The following MAGEC3 variants were observed in gnomAD, a reference collection of about 807,000 sequenced individuals.
MAGEC3 encodes melanoma-associated antigen C3.
In MAGEC3, 34 loss-of-function variants were observed where a neutral mutation model predicts 35.3. The ratio of observed to expected loss-of-function variants is 0.96; its 90% CI spans 0.73 to 1.28. The LOEUF is 1.28. Ranked by LOEUF, MAGEC3 falls within the 50% of genes most tolerant of loss-of-function variation. MAGEC3 has a pLI of 0.00. For synonymous variants in MAGEC3, 202 were observed against 185.6 expected (o/e 1.09, Z -0.72); for missense variants, 561 against 483.6 (o/e 1.16, Z -1.50).
Position 141,879,318 on chromosome X carries a change from G to A in MAGEC3, c.402G>A (p.Lys134=). The change falls in exon 3 of 8, where the codon AAG becomes AAA. Residue 134 remains lysine (K), a synonymous_variant. Transcript: ENST00000298296. ...CCCAGGACTGGCCACTCAACGAGAA[G>A]AGAACTCTGTGGAAGGACAGTGACC... The part of the protein sequence containing the change: ...EEPQDWPLNE[K]RTLWKDSDLP... 8.3e-7 allele frequency: 1 copy of A among 1,205,915 alleles called. No individual in the cohort carries two copies. The highest frequency in any genetic ancestry group is 1.1e-6 in the Non-Finnish European group (1 of 892,468).
At chrX:141,845,162 G>C (rs1290827356) in intron 1 of MAGEC3, among the ~76,000 whole-genome samples, 1 of 110,768 alleles carries the variant, frequency 9.0e-6, no homozygotes, top group East Asian at 2.8e-4. Flanking sequence ...TTTGCAGTTA[G>C]TGCCAAGGAC....
At chrX:141,873,703 A>G (rs922336938) in intron 2 of MAGEC3, among the ~76,000 whole-genome samples, 4 of 111,899 alleles carry the variant, frequency 3.6e-5, no homozygotes, top group Non-Finnish European at 7.5e-5. Flanking sequence ...AAAGAAAACT[A>G]TAAGACTCTA....
Position 141,897,449 on chromosome X carries a change from C to T in MAGEC3, c.1691C>T (p.Pro564Leu), listed in dbSNP as rs947984724. The change falls in exon 7 of 8, where the codon CCC becomes CTC. Residue 564 changes from proline (P) to leucine (L), a missense_variant. Coordinates refer to ENST00000298296, the MANE Select transcript of MAGEC3 (RefSeq NM_138702.1). ...ATCTTCATAAAGGGCAGCTGTGTCCCCGAGGAGGTCATCTGGGAAGTGTTG... is the reference window on the plus strand; with the variant it reads ...ATCTTCATAAAGGGCAGCTGTGTCCTCGAGGAGGTCATCTGGGAAGTGTTG... ...SMIFIKGSCV[P>L]EEVIWEVLSA... The T allele has an allele frequency of 8.3e-7, 1 of 1,209,719 alleles. No individual in the cohort carries two copies. Among genetic ancestry groups the T allele is most frequent in the Non-Finnish European group, 1.1e-6 (1 of 894,716 alleles).
rs774885969 is a variant in MAGEC3 at position 141,895,515 on chromosome X, G to A, written c.1079G>A (p.Arg360His). The change falls in exon 6 of 8, where the codon CGC becomes CAC. Residue 360 changes from arginine (R) to histidine (H), a missense_variant. Coordinates refer to ENST00000298296, the MANE Select transcript of MAGEC3 (RefSeq NM_138702.1). Reference sequence around the variant, plus strand: ...GCAGGCCACAGACAGGAAGATGGCCGCCGAGGGCTGACCGAGGCGTCCCCA... The same window carrying A: ...GCAGGCCACAGACAGGAAGATGGCCACCGAGGGCTGACCGAGGCGTCCCCA... ...GLAGHRQEDG[R>H]RGLTEASPQQ... 2.8e-5 allele frequency: 34 copies of A among 1,207,325 alleles called. No homozygotes were observed. In the East Asian group the frequency reaches 6.2e-4, roughly 22 times the overall value.
intron 1 of MAGEC3, among the ~76,000 whole-genome samples, chrX:141,847,024 A>G (rs1214667495): frequency 1.8e-5 from 2 of 111,300 alleles, no homozygotes; most frequent in Admixed American, 9.6e-5. Flanking sequence ...TATTTACTAT[A>G]CACTAAATAG....
At chrX:141,894,677 C>T (rs2018069884) in intron 4 of MAGEC3, 2 of 967,726 alleles carry the variant, frequency 2.1e-6, no homozygotes, top group African/African-American at 2.0e-5. Context: ...AAAGGAGCCC[C>T]GGGGCTGGCC....
chrX:141,866,103 A>C (rs1353354180), intron 2 of MAGEC3, among the ~76,000 whole-genome samples: 1 of 111,624 alleles, frequency 9.0e-6, no homozygotes. Flanking sequence ...GACCTCACAG[A>C]ATCCAGTCCG....
At chrX:141,870,549 CTTTAT>C (rs975211835) in intron 2 of MAGEC3, among the ~76,000 whole-genome samples, 4 of 111,422 alleles carry the variant, frequency 3.6e-5, no homozygotes, top group Non-Finnish European at 5.7e-5. Flanking sequence ...AAACCATTCA[CTTTAT>C]TTTATTTAAT....
At chrX:141,857,175 A>G (rs1399525177) in intron 1 of MAGEC3, among the ~76,000 whole-genome samples, 3 of 110,382 alleles carry the variant, frequency 2.7e-5, no homozygotes, top group Non-Finnish European at 5.7e-5. Context: ...TTATCACATT[A>G]GAATGTAATT....
rs763585428 is a variant in MAGEC3 at position 141,897,487 on chromosome X, G to T, written c.1728+1G>T. The T allele has an allele frequency of 8.3e-7, 1 of 1,204,313 alleles. No homozygotes were observed. Among genetic ancestry groups the T allele is most frequent in the Admixed American group, 2.2e-5 (1 of 45,488 alleles). On this transcript the variant is annotated splice_donor_variant, in intron 7 of 7. Transcript: ENST00000298296. LOFTEE classifies it high-confidence loss of function. ...CTGGGAAGTGTTGAGTGCAATAGGGGTGTGTGCTGGGAGGGAGCACTTTAT... is the reference window on the plus strand; with the variant it reads ...CTGGGAAGTGTTGAGTGCAATAGGGTTGTGTGCTGGGAGGGAGCACTTTAT...
At chrX:141,878,556 TG>T (rs2017935145) in intron 2 of MAGEC3, among the ~76,000 whole-genome samples, 1 of 110,426 alleles carries the variant, frequency 9.1e-6, no homozygotes, top group African/African-American at 3.3e-5. Context: ...GGTGTCCCCC[TG>T]ACATTTTAGA....
At chrX:141,877,942 A>G (rs2017930264) in intron 2 of MAGEC3, among the ~76,000 whole-genome samples, 1 of 111,838 alleles carries the variant, frequency 8.9e-6, no homozygotes, top group Admixed American at 9.5e-5. Flanking sequence ...TTTTTAACAA[A>G]CATTCTTTAT....
intron 4 of MAGEC3, among the ~76,000 whole-genome samples, chrX:141,891,238 C>T (rs867140478): frequency 1.7e-4 from 19 of 111,452 alleles, no homozygotes; most frequent in African/African-American, 6.2e-4. Context: ...CCTTAATTAC[C>T]TCTTCAAAGG....
At chrX:141,861,510 G>A (rs1003540379) in intron 1 of MAGEC3, among the ~76,000 whole-genome samples, 8 of 111,526 alleles carry the variant, frequency 7.2e-5, no homozygotes, top group Non-Finnish European at 1.5e-4. Context: ...AGCTGGAGGC[G>A]TAACACTACC....
intron 1 of MAGEC3, among the ~76,000 whole-genome samples, chrX:141,863,973 G>C (rs1043040484): frequency 9.0e-6 from 1 of 111,424 alleles, no homozygotes; most frequent in Non-Finnish European, 1.9e-5. Flanking sequence ...CCATTACTAG[G>C]GACTTGGAGG....
chrX:141,875,406 T>A (rs1397584710), intron 2 of MAGEC3, among the ~76,000 whole-genome samples: 1 of 111,748 alleles, frequency 8.9e-6, no homozygotes, highest in East Asian at 2.8e-4. Flanking sequence ...TTCCTTGAAC[T>A]CAGGGAATGC....
intron 2 of MAGEC3, among the ~76,000 whole-genome samples, chrX:141,866,320 T>A (rs778100972): frequency 4.5e-5 from 5 of 112,238 alleles, no homozygotes; most frequent in South Asian, 3.7e-4. Flanking sequence ...GTTAAAAAAA[T>A]TTTTATATTA....
At chrX:141,864,780 A>AT (rs1338305175) in intron 1 of MAGEC3, among the ~76,000 whole-genome samples, 2 of 111,795 alleles carry the variant, frequency 1.8e-5, no homozygotes, top group Admixed American at 1.9e-4. Flanking sequence ...CTTAAAATAA[A>AT]TTTAAAAAAA....
intron 1 of MAGEC3, among the ~76,000 whole-genome samples, chrX:141,848,299 A>C (rs1367168106): frequency 9.1e-6 from 1 of 110,162 alleles, no homozygotes; most frequent in Non-Finnish European, 1.9e-5. Flanking sequence ...GAGAAAAAAA[A>C]ATGAAAGATG....
Sources: allele counts gnomAD v4.1 joint callset (sites outside exome capture counted in the v4.1 genomes callset), GRCh38; gene constraint gnomAD v4.1.1; transcripts MANE v1.5; gene names NCBI Gene and HGNC (gene_info 2026-07-23, HGNC 2026-07-21).